Variants in ASIC2 observed in about 807,000 individuals in gnomAD.
ASIC2 encodes acid sensing ion channel subunit 2.
A neutral mutation model predicts 57.3 loss-of-function variants in ASIC2; 25 were observed. The ratio of observed to expected loss-of-function variants is 0.44; its 90% confidence interval spans 0.32 to 0.61. ASIC2 has a LOEUF of 0.61. Ranked by LOEUF, ASIC2 falls within the 20% of genes least tolerant of loss-of-function variation. The pLI is 0.06. For missense variants in ASIC2, 641 were observed against 738.1 expected, an observed-to-expected ratio of 0.87 and a Z score of 1.52; for synonymous variants, 319 against 307.5, an observed-to-expected ratio of 1.04 and a Z score of -0.39.
intron 1 of ASIC2, among the ~76,000 whole-genome samples, chr17:33,603,360 G>A (rs1157307126): frequency 6.6e-6 from 1 of 152,232 alleles, no homozygotes; most frequent in Admixed American, 6.5e-5. Flanking sequence ...CTGCTTGGAA[G>A]GAGCATGATC....
rs7210215 is a variant in ASIC2, at chr17:34,047,179, C to A, written c.555+108799G>T. Among the ~76,000 whole-genome samples the A allele has an allele frequency of 6.8e-3, 1,032 of 152,184 alleles. 9 individuals carry two copies. Among genetic ancestry groups the A allele is most frequent in the African/African-American group, 0.023 (964 of 41,522 alleles). ...CCATTTCTCCAAACAGAATACAGCTCCCATTACCAGGGCTACCCATTCACA... is the reference window on the plus strand; with the variant it reads ...CCATTTCTCCAAACAGAATACAGCTACCATTACCAGGGCTACCCATTCACA... On this transcript the variant is annotated intron_variant, in intron 1 of 9. Transcript: ENST00000359872.
chr17:33,567,865 T>C (rs1019299419), intron 1 of ASIC2, among the ~76,000 whole-genome samples: 5 of 152,074 alleles, frequency 3.3e-5, no homozygotes, highest in African/African-American at 1.2e-4. Context: ...CATTTTTTTT[T>C]TGGTCTCTCT....
At chr17:34,014,198 T>G (rs1906865540) in intron 1 of ASIC2, among the ~76,000 whole-genome samples, 1 of 152,214 alleles carries the variant, frequency 6.6e-6, no homozygotes, top group Admixed American at 6.5e-5. Flanking sequence ...CTTCATGATT[T>G]CAATAAACTA....
chr17:33,898,594 G>A (rs1490844179), intron 1 of ASIC2, among the ~76,000 whole-genome samples: 1 of 152,108 alleles, frequency 6.6e-6, no homozygotes, highest in Non-Finnish European at 1.5e-5. Context: ...GAAATTAACA[G>A]TGGTATAACA....
intron 3 of ASIC2, among the ~76,000 whole-genome samples, chr17:33,062,057 T>G (rs1265011243): frequency 1.3e-5 from 2 of 152,330 alleles, no homozygotes; most frequent in East Asian, 3.9e-4. Context: ...TCTCTTTTCT[T>G]CTTTATTAGT....
At chr17:33,094,271 G>C (rs928235582) in intron 2 of ASIC2, among the ~76,000 whole-genome samples, 1 of 152,156 alleles carries the variant, frequency 6.6e-6, no homozygotes, top group Non-Finnish European at 1.5e-5. Context: ...CCATTTGCTG[G>C]GTCACTGTGG....
At chr17:33,869,924 T>G (rs1359334829) in intron 1 of ASIC2, among the ~76,000 whole-genome samples, 1 of 152,216 alleles carries the variant, frequency 6.6e-6, no homozygotes, top group Non-Finnish European at 1.5e-5. Flanking sequence ...AGTGTTACAC[T>G]GAAAAACAAA....
chr17:33,291,503 C>A lies in ASIC2; in HGVS notation c.613G>T (p.Ala205Ser). The A allele has an allele frequency of 6.2e-7, 1 of 1,612,690 alleles. No individual in the cohort carries two copies. The highest frequency in any genetic ancestry group is 1.1e-5 in the South Asian group (1 of 91,082). The change falls in exon 1 of 10, where the codon GCC becomes TCC. Residue 205 changes from alanine to serine, a missense_variant. This residue lies in a region of ASIC2 where 382 missense variants were observed against 398.0 expected (regional missense o/e 0.96). Transcript: ENST00000225823. ...LPPRHFEGIS[A>S]AFMDRLGHQL... is the part of the protein sequence containing the mutation. ...TGGCCCAGGCGGTCCATGAAGGCGGCGCTGATTCCCTCGAAGTGGCGCGGA... is the reference window on the plus strand; with the variant it reads ...TGGCCCAGGCGGTCCATGAAGGCGGAGCTGATTCCCTCGAAGTGGCGCGGA...
chr17:33,732,178 G>A (rs1909762570), intron 1 of ASIC2, among the ~76,000 whole-genome samples: 1 of 152,226 alleles, frequency 6.6e-6, no homozygotes, highest in Non-Finnish European at 1.5e-5. Flanking sequence ...GTTATTCATT[G>A]TGGTATTAAT....
At chr17:33,522,139 C>A (rs1391527478) in intron 1 of ASIC2, among the ~76,000 whole-genome samples, 1 of 152,212 alleles carries the variant, frequency 6.6e-6, no homozygotes, top group Non-Finnish European at 1.5e-5. Flanking sequence ...CCCCCCACTC[C>A]TTCCTGTCAC....
chr17:33,232,867 G>C (rs117696152), intron 1 of ASIC2, among the ~76,000 whole-genome samples: 7 of 152,174 alleles, frequency 4.6e-5, no homozygotes, highest in African/African-American at 1.7e-4. Context: ...AGTGGTGCTT[G>C]TATTGTGCTT....
intron 1 of ASIC2, among the ~76,000 whole-genome samples, chr17:33,609,580 T>A (rs1905331557): frequency 6.6e-6 from 1 of 152,196 alleles, no homozygotes; most frequent in Non-Finnish European, 1.5e-5. Context: ...CAGTCTAAAC[T>A]GGATCTCCCC....
chr17:33,161,976 G>A (rs374177778), intron 1 of ASIC2, among the ~76,000 whole-genome samples: 3 of 145,226 alleles, frequency 2.1e-5, no homozygotes, highest in African/African-American at 5.1e-5. Context: ...GACACTAGCC[G>A]TTCTCATAAC....
intron 2 of ASIC2, among the ~76,000 whole-genome samples, chr17:33,111,495 C>G (rs1159850230): frequency 6.6e-6 from 1 of 152,192 alleles, no homozygotes; most frequent in African/African-American, 2.4e-5. Context: ...CCCAGCCCCT[C>G]CAGCTTCCCC....
intron 1 of ASIC2, among the ~76,000 whole-genome samples, chr17:33,276,739 A>G (rs1484653867): frequency 6.6e-6 from 1 of 152,184 alleles, no homozygotes; most frequent in Non-Finnish European, 1.5e-5. Flanking sequence ...AAACTTAACA[A>G]TTGCTGTGCT....
At chr17:33,475,844 G>C (rs950160638) in intron 1 of ASIC2, among the ~76,000 whole-genome samples, 2 of 152,124 alleles carry the variant, frequency 1.3e-5, no homozygotes, top group Admixed American at 1.3e-4. Flanking sequence ...CCCTTCCTGG[G>C]GTGAATGCTT....
chr17:33,680,503 C>A (rs1253158208), intron 1 of ASIC2: 3 of 152,210 alleles, frequency 2.0e-5, no homozygotes, highest in African/African-American at 4.8e-5. Flanking sequence ...CAAAAGACCA[C>A]CTTTATCCCT....
At chr17:33,111,519 C>T (rs1305638661) in intron 2 of ASIC2, among the ~76,000 whole-genome samples, 3 of 152,138 alleles carry the variant, frequency 2.0e-5, no homozygotes, top group Non-Finnish European at 4.4e-5. Context: ...TGGGCGGCAG[C>T]CTGCTTTCCT....
At position 34,087,713 on chromosome 17, in the gene ASIC2, A is replaced by G. The variant is rs1268708516; in HGVS notation, c.555+68265T>C. Among the ~76,000 whole-genome samples the G allele has an allele frequency of 7.2e-5, 11 of 151,996 alleles. No individual in the cohort carries two copies. The South Asian group carries it at 1.2e-3, about 17-fold the overall frequency. ...AGATTTGGTCTTTTCACATAGTCCC[A>G]TATTTCTTGGAGGCTTTGTTCATTT... On this transcript the variant is annotated intron_variant, in intron 1 of 9. Transcript: ENST00000359872.
Sources: allele counts gnomAD v4.1 joint callset (sites outside exome capture counted in the v4.1 genomes callset), GRCh38; gene constraint gnomAD v4.1.1; regional missense constraint gnomAD v4.1.1; transcripts MANE v1.5; gene names NCBI Gene and HGNC (gene_info 2026-07-23, HGNC 2026-07-21).